The following VMP1 variants were observed in gnomAD, a reference collection of about 807,000 sequenced individuals.
VMP1 encodes vacuole membrane protein 1, also known as ectopic P-granules autophagy protein 3 homolog.
A neutral mutation model predicts 56.0 loss-of-function variants in VMP1; 11 were observed. The observed-to-expected ratio is 0.20, with a 90% confidence interval of 0.12 to 0.32. VMP1 has a LOEUF of 0.32. VMP1 is among the 10% of genes least tolerant of loss of function. The pLI, the probability that VMP1 is intolerant of heterozygous loss-of-function variation, is 1.00. For synonymous variants in VMP1, 149 were observed against 165.0 expected (o/e 0.90, Z 0.74); for missense variants, 296 against 490.3 (o/e 0.60, Z 3.74).
intron 5 of VMP1, among the ~76,000 whole-genome samples, chr17:59,754,934 G>A (rs2035780705): frequency 6.6e-6 from 1 of 150,876 alleles, no homozygotes; most frequent in South Asian, 2.1e-4. Flanking sequence ...ATTTAGTTTA[G>A]CTTAAATTTG....
intron 10 of VMP1, among the ~76,000 whole-genome samples, chr17:59,825,666 A>G (rs967661499): frequency 1.3e-5 from 2 of 152,232 alleles, no homozygotes; most frequent in Admixed American, 1.3e-4. Flanking sequence ...AAAAGTTTCC[A>G]TAACTCAATC....
At chr17:59,799,168 T>TA (rs1258977414) in intron 7 of VMP1, among the ~76,000 whole-genome samples, 1 of 152,232 alleles carries the variant, frequency 6.6e-6, no homozygotes, top group East Asian at 1.9e-4. Context: ...TTTTGATAGA[T>TA]ATGAGAACTT....
chr17:59,780,439 A>G (rs1172369661), intron 7 of VMP1, among the ~76,000 whole-genome samples: 1 of 152,228 alleles, frequency 6.6e-6, no homozygotes, highest in Non-Finnish European at 1.5e-5. Flanking sequence ...AAAAATACAG[A>G]AAATTAGCTG....
intron 5 of VMP1, among the ~76,000 whole-genome samples, chr17:59,752,805 T>G (rs2035701739): frequency 6.6e-6 from 1 of 152,180 alleles, no homozygotes. Flanking sequence ...AAAATTACAA[T>G]GGATTAGGGA....
intron 2 of VMP1, among the ~76,000 whole-genome samples, chr17:59,734,902 CTT>C (rs35072996): frequency 1.4e-5 from 1 of 72,288 alleles, no homozygotes; most frequent in South Asian, 6.2e-4. Flanking sequence ...GACTGGTTGC[CTT>C]TTTTTTTTTT....
chr17:59,748,506 ACCT>A (rs748189758), intron 5 of VMP1, among the ~76,000 whole-genome samples: 11 of 152,104 alleles, frequency 7.2e-5, no homozygotes, highest in Non-Finnish European at 1.6e-4. Context: ...TAACTTTTAA[ACCT>A]CAGTCATTCA....
intron 7 of VMP1, among the ~76,000 whole-genome samples, chr17:59,788,473 A>C (rs1271474958): frequency 5.1e-5 from 7 of 138,376 alleles, no homozygotes; most frequent in African/African-American, 1.9e-4. Flanking sequence ...GGTGATGGAG[A>C]GAGACTCAGT....
chr17:59,737,304 T>C (rs1365785511), intron 3 of VMP1, 149 bp from the exon 4 acceptor site: 2 of 628,864 alleles, frequency 3.2e-6, no homozygotes, highest in Non-Finnish European at 5.2e-6. Context: ...GACCCCCTTC[T>C]GTTACTCCAA....
chr17:59,816,927 C>CTGGGCA (rs2144253773), intron 9 of VMP1, among the ~76,000 whole-genome samples: 2 of 107,844 alleles, frequency 1.9e-5, no homozygotes, highest in Middle Eastern at 8.2e-3. Flanking sequence ...GCCTGGGCAA[C>CTGGGCA]AGAAGGAGAC....
intron 1 of VMP1, among the ~76,000 whole-genome samples, chr17:59,709,524 A>G (rs2033825038): frequency 6.6e-6 from 1 of 152,210 alleles, no homozygotes; most frequent in Admixed American, 6.5e-5. Flanking sequence ...ATGAGCTAGT[A>G]AACATGAAAT....
chr17:59,773,629 A>C, intron 6 of VMP1, 125 bp from the exon 7 acceptor site: 1 of 918,820 alleles, frequency 1.1e-6, no homozygotes, highest in Non-Finnish European at 1.6e-6. Context: ...TATGTAGCAT[A>C]TGCTTTCCCC....
rs975531134 is a variant in VMP1, at chr17:59,841,018, A to G, written c.*1107A>G. On this transcript the variant is annotated 3_prime_UTR_variant, in exon 12 of 12. Coordinates refer to ENST00000262291, the MANE Select transcript of VMP1 (RefSeq NM_030938.5). ...TTTATTCTTAGTGTGATTTTTTTCC[A>G]TTGGGATGTTTTTGATTGAACTTGT... is the stretch of plus-strand genomic sequence containing the variant. 3.3e-5 allele frequency: 6 copies of G among 180,272 alleles called. No individual in the cohort carries two copies. The highest frequency in any genetic ancestry group is 1.2e-4 in the African/African-American group (5 of 42,260). 11.2% of individuals were successfully genotyped at this position (180,272 alleles called of 1,614,324 possible).
At chr17:59,722,846 A>G (rs1312216506) in intron 1 of VMP1, among the ~76,000 whole-genome samples, 4 of 152,226 alleles carry the variant, frequency 2.6e-5, no homozygotes, top group African/African-American at 4.8e-5. Context: ...GCTCTACTGC[A>G]TGCCAGCCTA....
chr17:59,839,644 A>G, intron 11 of VMP1, 124 bp from the exon 12 acceptor site: 1 of 1,261,348 alleles, frequency 7.9e-7, no homozygotes, highest in Non-Finnish European at 1.1e-6. Flanking sequence ...GGGGTTGCTT[A>G]CTTTTCATTT....
chr17:59,802,038 T>A (rs989189524), intron 7 of VMP1, among the ~76,000 whole-genome samples: 3 of 151,826 alleles, frequency 2.0e-5, no homozygotes, highest in African/African-American at 7.3e-5. Context: ...CCATCTCTAC[T>A]AAAAATACAA....
chr17:59,834,403 T>C lies in VMP1; in HGVS notation c.975-3892T>C, dbSNP rs115967235. Among the ~76,000 whole-genome samples, 51 of 152,250 alleles carry C rather than the reference T, an allele frequency of 3.3e-4. 1 individual carries two copies. The highest frequency in any genetic ancestry group is 1.2e-3 in the African/African-American group (50 of 41,550). On this transcript the variant is annotated intron_variant, in intron 10 of 11. Coordinates refer to ENST00000262291, the MANE Select transcript of VMP1 (RefSeq NM_030938.5). ...CTCAGCCCCCACTAGTAGCTGAGATTACAGGCATGTGCCACCGTGCCTGGC... is the reference window on the plus strand; with the variant it reads ...CTCAGCCCCCACTAGTAGCTGAGATCACAGGCATGTGCCACCGTGCCTGGC...
intron 10 of VMP1, 64 bp downstream of exon 10, chr17:59,817,837 A>G: frequency 2.4e-6 from 3 of 1,270,782 alleles, no homozygotes; most frequent in Non-Finnish European, 3.3e-6. Context: ...AAATGTGTAC[A>G]AGACTGAATT....
intron 7 of VMP1, among the ~76,000 whole-genome samples, chr17:59,781,414 A>G (rs2036818755): frequency 6.6e-6 from 1 of 152,216 alleles, no homozygotes; most frequent in South Asian, 2.1e-4. Context: ...AACTTTTTAT[A>G]AAAATTAGAA....
chr17:59,797,359 A>G (rs1463560321), intron 7 of VMP1, among the ~76,000 whole-genome samples: 1 of 151,944 alleles, frequency 6.6e-6, no homozygotes, highest in African/African-American at 2.4e-5. Context: ...AAAAAAAAGA[A>G]AAAGAAAAAG....
Sources: allele counts gnomAD v4.1 joint callset (sites outside exome capture counted in the v4.1 genomes callset), GRCh38; gene constraint gnomAD v4.1.1; transcripts MANE v1.5; gene names NCBI Gene and HGNC (gene_info 2026-07-23, HGNC 2026-07-21).